The following GPC5 variants were observed in gnomAD, a reference collection of about 807,000 sequenced individuals.
The protein encoded by GPC5 is glypican-5.
GPC5 carries 47 observed loss-of-function variants against 53.9 expected under a neutral mutation model. The observed-to-expected ratio is 0.87, with a 90% CI of 0.69 to 1.11. The LOEUF (loss-of-function observed/expected upper bound fraction) is 1.11, where lower values mean the gene tolerates loss of function less well. Among genes scored for constraint, GPC5 ranks in the 50% most tolerant of loss-of-function variants. The pLI, the probability that GPC5 is intolerant of heterozygous loss-of-function variation, is 0.00. For synonymous variants in GPC5, 286 were observed against 263.3 expected (o/e 1.09, Z -0.84); for missense variants, 748 against 713.1 (o/e 1.05, Z -0.56).
intron 7 of GPC5, among the ~76,000 whole-genome samples, chr13:92,315,870 G>T (rs988797481): frequency 6.6e-6 from 1 of 152,190 alleles, no homozygotes; most frequent in African/African-American, 2.4e-5. Context: ...AGACAACTCA[G>T]TCATTCAGTG....
intron 6 of GPC5, among the ~76,000 whole-genome samples, chr13:92,090,780 T>G (rs1456992676): frequency 6.6e-6 from 1 of 152,260 alleles, no homozygotes; most frequent in African/African-American, 2.4e-5. Context: ...AATGATGAAC[T>G]AACTTGATTT....
chr13:91,903,414 T>C (rs2039519590), intron 5 of GPC5, among the ~76,000 whole-genome samples: 1 of 152,104 alleles, frequency 6.6e-6, no homozygotes, highest in South Asian at 2.1e-4. Context: ...TCATAGAATA[T>C]GGTTAGATTT....
At chr13:91,921,031 C>T (rs759904069) in intron 6 of GPC5, among the ~76,000 whole-genome samples, 2 of 140,620 alleles carry the variant, frequency 1.4e-5, no homozygotes, top group Non-Finnish European at 3.0e-5. Flanking sequence ...CTGTCTCCTG[C>T]GTTCAAGTGA....
intron 7 of GPC5, among the ~76,000 whole-genome samples, chr13:92,146,238 G>T (rs2041866449): frequency 6.6e-6 from 1 of 151,988 alleles, no homozygotes. Context: ...TATTAATATA[G>T]CTTATCAGAT....
intron 7 of GPC5, among the ~76,000 whole-genome samples, chr13:92,613,604 A>G (rs1566320933): frequency 8.1e-6 from 1 of 122,804 alleles, no homozygotes; most frequent in Non-Finnish European, 1.7e-5. Flanking sequence ...ATTTTATTAT[A>G]TTTATTTTAT....
intron 7 of GPC5, among the ~76,000 whole-genome samples, chr13:92,698,756 G>C (rs1190844415): frequency 6.6e-6 from 1 of 152,160 alleles, no homozygotes; most frequent in African/African-American, 2.4e-5. Flanking sequence ...CTTCCACAAT[G>C]GTTGAACTAG....
intron 7 of GPC5, among the ~76,000 whole-genome samples, chr13:92,661,452 C>T (rs1886340473): frequency 1.3e-5 from 2 of 151,980 alleles, no homozygotes; most frequent in African/African-American, 4.8e-5. Flanking sequence ...CACACATATA[C>T]ATTATATAAA....
intron 2 of GPC5, among the ~76,000 whole-genome samples, chr13:91,456,079 C>A (rs1263198267): frequency 6.6e-6 from 1 of 152,078 alleles, no homozygotes; most frequent in Non-Finnish European, 1.5e-5. Context: ...CTCCTCTCCT[C>A]CCCAGATAGT....
chr13:91,960,102 A>T (rs542790425), intron 6 of GPC5, among the ~76,000 whole-genome samples: 1 of 152,032 alleles, frequency 6.6e-6, no homozygotes, highest in Admixed American at 6.6e-5. Flanking sequence ...AAAGAAATAA[A>T]TTTATCCAAA....
chr13:92,041,401 T>C (rs1330706202), intron 6 of GPC5, among the ~76,000 whole-genome samples: 4 of 152,198 alleles, frequency 2.6e-5, no homozygotes, highest in African/African-American at 4.8e-5. Context: ...TGAGGCCGAC[T>C]TGAAAGCATC....
chr13:92,126,235 G>A (rs1449982633), intron 6 of GPC5, among the ~76,000 whole-genome samples: 2 of 152,040 alleles, frequency 1.3e-5, no homozygotes, highest in African/African-American at 4.8e-5. Flanking sequence ...TTACAGGCAT[G>A]AGCCACCGCA....
chr13:91,620,014 G>A (rs1299963224), intron 2 of GPC5, among the ~76,000 whole-genome samples: 1 of 152,032 alleles, frequency 6.6e-6, no homozygotes, highest in African/African-American at 2.4e-5. Flanking sequence ...CTAACATCTT[G>A]GAAAGCGATT....
At chr13:91,634,809 TCCATTTAATAAA>T (rs1365454574) in intron 2 of GPC5, among the ~76,000 whole-genome samples, 7 of 152,064 alleles carry the variant, frequency 4.6e-5, no homozygotes, top group Non-Finnish European at 1.0e-4. Context: ...AAAAAAGTGT[TCCATTTAATAAA>T]TGCATATGAT....
intron 7 of GPC5, among the ~76,000 whole-genome samples, chr13:92,381,850 C>CAT (rs1383676108): frequency 0.044 from 1,628 of 36,794 alleles, 50 homozygotes; most frequent in African/African-American, 0.061. Context: ...TGTATATGAT[C>CAT]ATATATGATT....
chr13:92,316,044 G>T (rs975902123), intron 7 of GPC5, among the ~76,000 whole-genome samples: 1 of 152,146 alleles, frequency 6.6e-6, no homozygotes, highest in Non-Finnish European at 1.5e-5. Flanking sequence ...AGGTCAGATA[G>T]AATTCGATCA....
At chr13:92,510,350 C>T (rs1251936740) in intron 7 of GPC5, among the ~76,000 whole-genome samples, 2 of 152,102 alleles carry the variant, frequency 1.3e-5, no homozygotes, top group African/African-American at 2.4e-5. Context: ...TTAACAACCT[C>T]TTAAGATGCC....
chr13:91,481,552 G>A (rs1883297963), intron 2 of GPC5, among the ~76,000 whole-genome samples: 1 of 152,190 alleles, frequency 6.6e-6, no homozygotes, highest in Non-Finnish European at 1.5e-5. Flanking sequence ...GGTTAAGGGA[G>A]GCTCAGAGGT....
intron 7 of GPC5, among the ~76,000 whole-genome samples, chr13:92,508,379 G>T (rs1284517213): frequency 6.6e-6 from 1 of 152,110 alleles, no homozygotes; most frequent in Non-Finnish European, 1.5e-5. Flanking sequence ...TGTGTCCTCA[G>T]CTTGGGTACA....
intron 7 of GPC5, among the ~76,000 whole-genome samples, chr13:92,652,797 C>G (rs1313030457): frequency 2.6e-5 from 4 of 152,100 alleles, no homozygotes; most frequent in African/African-American, 9.7e-5. Flanking sequence ...CCTCTAGATT[C>G]TTGCAATGGT....
Sources: gnomAD v4.1 joint callset for allele counts (sites outside exome capture counted in the v4.1 genomes callset) on GRCh38, gnomAD v4.1.1 for gene constraint, MANE v1.5 for transcripts, NCBI Gene and HGNC (gene_info 2026-07-23, HGNC 2026-07-21) for gene names.